LAMA2: variants seen among roughly 807,000 people sequenced by gnomAD.
The protein encoded by LAMA2 is laminin subunit alpha 2, also known as laminin subunit alpha-2.
In LAMA2, 269 loss-of-function variants were observed where a neutral mutation model predicts 364.8. The ratio of observed to expected loss-of-function variants is 0.74; its 90% confidence interval spans 0.67 to 0.82. LAMA2 has a LOEUF of 0.82. Among genes scored for constraint, LAMA2 ranks in the 40% least tolerant of loss-of-function variants. The pLI is 0.00. For synonymous variants in LAMA2, 1,379 were observed against 1,370.6 expected (o/e 1.01, Z -0.14); for missense variants, 3,807 against 3,873.2 (o/e 0.98, Z 0.45).
intron 1 of LAMA2, among the ~76,000 whole-genome samples, chr6:128,970,975 G>T (rs1170303807): frequency 6.6e-6 from 1 of 152,126 alleles, no homozygotes; most frequent in Non-Finnish European, 1.5e-5. Context: ...GATAAGAAAA[G>T]GGGGCCAAGA....
chr6:129,177,498 G>T (rs1164904698), intron 9 of LAMA2, among the ~76,000 whole-genome samples: 2 of 152,032 alleles, frequency 1.3e-5, no homozygotes, highest in African/African-American at 4.8e-5. Flanking sequence ...TATTTCTATT[G>T]ACACTTAGAA....
intron 1 of LAMA2, chr6:128,929,889 G>T: frequency 1.1e-6 from 1 of 882,974 alleles, no homozygotes; most frequent in Non-Finnish European, 1.9e-6. Flanking sequence ...GGTGACAGCT[G>T]AGTGTATGGG....
chr6:129,244,910 A>G (rs1255664123), intron 12 of LAMA2, among the ~76,000 whole-genome samples: 2 of 152,208 alleles, frequency 1.3e-5, no homozygotes, highest in Non-Finnish European at 1.5e-5. Flanking sequence ...TATATATTGC[A>G]TAGTAACTAT....
At chr6:128,920,308 C>T (rs546993067) in intron 1 of LAMA2, among the ~76,000 whole-genome samples, 1 of 152,164 alleles carries the variant, frequency 6.6e-6, no homozygotes, top group Non-Finnish European at 1.5e-5. Context: ...CAGGCGTGTG[C>T]CACCACGCCC....
At chr6:129,314,924 T>C (rs559278195) in intron 24 of LAMA2, 126 bp downstream of exon 24, 32 of 956,812 alleles carry the variant, frequency 3.3e-5, no homozygotes, top group Non-Finnish European at 5.2e-5. Context: ...CTGTGAACAT[T>C]TAGGAACAGC....
In LAMA2 at chr6:129,342,475, T is replaced by G; in HGVS notation, c.4436+8T>G. ...GATTTCTTCCAGTAACAAGTAAGAT[T>G]GAGAAATATAACCATATTTCCCAAT... On this transcript the variant is annotated splice_region_variant and intron_variant, in intron 30 of 64. Transcript: ENST00000421865. 5 of 1,612,368 alleles carry G rather than the reference T, an allele frequency of 3.1e-6. No individual in the cohort carries two copies. Among genetic ancestry groups the G allele is most frequent in the Non-Finnish European group, 4.2e-6 (5 of 1,178,782 alleles).
intron 18 of LAMA2, among the ~76,000 whole-genome samples, chr6:129,284,894 T>C (rs1451689080): frequency 6.6e-6 from 1 of 152,178 alleles, no homozygotes; most frequent in Non-Finnish European, 1.5e-5. Flanking sequence ...GCAATTTGAT[T>C]TGAAAAAGTT....
chr6:129,105,811 T>G (rs1301314475), intron 4 of LAMA2, among the ~76,000 whole-genome samples: 1 of 152,180 alleles, frequency 6.6e-6, no homozygotes, highest in East Asian at 1.9e-4. Context: ...GGACGAACTT[T>G]CTAGATGGCA....
chr6:129,459,637 A>G (rs1282723062), intron 48 of LAMA2, among the ~76,000 whole-genome samples: 1 of 152,072 alleles, frequency 6.6e-6, no homozygotes, highest in Non-Finnish European at 1.5e-5. Context: ...CAGCACTACC[A>G]TAGAGTGATT....
chr6:129,503,283 AAT>A lies in LAMA2; in HGVS notation c.8547+5_8547+6del. On this transcript the variant is annotated splice_donor_5th_base_variant and intron_variant, in intron 60 of 64. Coordinates refer to ENST00000421865, the MANE Select transcript of LAMA2 (RefSeq NM_000426.4). ...TCAATGATGGCCAGTGGCACAAGGT[AAT>A]AGTCCCCTGGATATTGGCAGTACCC... 6.2e-7 allele frequency: 1 copy of A among 1,612,288 alleles called. No individual in the cohort carries two copies. Among genetic ancestry groups the A allele is most frequent in the Non-Finnish European group, 8.5e-7 (1 of 1,178,950 alleles).
chr6:129,089,962 G>A (rs1774717068), intron 3 of LAMA2, among the ~76,000 whole-genome samples: 1 of 152,150 alleles, frequency 6.6e-6, no homozygotes, highest in South Asian at 2.1e-4. Flanking sequence ...AGCTAAGAAT[G>A]CAGTGTATTC....
intron 23 of LAMA2, 62 bp downstream of exon 23, chr6:129,313,159 T>G: frequency 1.0e-6 from 1 of 1,002,786 alleles, no homozygotes; most frequent in Admixed American, 2.1e-5. Flanking sequence ...ATTGCTCAGT[T>G]TTAACTTCAT....
intron 12 of LAMA2, among the ~76,000 whole-genome samples, chr6:129,244,432 G>C (rs1785607755): frequency 6.6e-6 from 1 of 152,074 alleles, no homozygotes; most frequent in Admixed American, 6.6e-5. Context: ...CGCTTGCCCT[G>C]TTTGTGATCC....
At chr6:129,481,046 T>A (rs745451562) in intron 54 of LAMA2, among the ~76,000 whole-genome samples, 25 of 152,190 alleles carry the variant, frequency 1.6e-4, no homozygotes, top group Non-Finnish European at 3.1e-4. Flanking sequence ...GCTATAATTC[T>A]GATTTTAACA....
intron 34 of LAMA2, among the ~76,000 whole-genome samples, chr6:129,381,112 A>G (rs1342366918): frequency 1.3e-5 from 2 of 152,232 alleles, no homozygotes; most frequent in South Asian, 2.1e-4. Flanking sequence ...GAAAAAGAAT[A>G]TATTTTAAGT....
At chr6:129,484,115 T>C (rs547894439) in intron 55 of LAMA2, among the ~76,000 whole-genome samples, 6 of 152,162 alleles carry the variant, frequency 3.9e-5, no homozygotes, top group Non-Finnish European at 7.4e-5. Context: ...AATTAAACTC[T>C]TTGGTCATCA....
At chr6:129,372,810 G>A (rs1450781631) in intron 34 of LAMA2, among the ~76,000 whole-genome samples, 1 of 152,088 alleles carries the variant, frequency 6.6e-6, no homozygotes, top group Non-Finnish European at 1.5e-5. Context: ...AATAGCATTT[G>A]GTGTTTTTAG....
intron 22 of LAMA2, among the ~76,000 whole-genome samples, chr6:129,301,556 A>G (rs1281661989): frequency 6.6e-6 from 1 of 152,146 alleles, no homozygotes; most frequent in African/African-American, 2.4e-5. Context: ...GGGAATAAGA[A>G]AGAGAAGACT....
intron 8 of LAMA2, among the ~76,000 whole-genome samples, chr6:129,155,954 G>A (rs1779087928): frequency 6.6e-6 from 1 of 151,848 alleles, no homozygotes; most frequent in Admixed American, 6.6e-5. Context: ...TGGAGCTTGA[G>A]GAGATGTTGG....
Sources: allele counts gnomAD v4.1 joint callset (sites outside exome capture counted in the v4.1 genomes callset), GRCh38; gene constraint gnomAD v4.1.1; transcripts MANE v1.5; gene names NCBI Gene and HGNC (gene_info 2026-07-23, HGNC 2026-07-21).